Variants in EVC2 observed in about 807,000 individuals in gnomAD.
The protein encoded by EVC2 is EvC ciliary complex subunit 2.
EVC2 carries 148 observed loss-of-function variants against 149.3 expected under a neutral mutation model. The ratio of observed to expected loss-of-function variants is 0.99; its 90% CI spans 0.87 to 1.14. The LOEUF (loss-of-function observed/expected upper bound fraction) is 1.14. Ranked by LOEUF, EVC2 falls within the 50% of genes most tolerant of loss-of-function variation. The pLI, the probability that EVC2 is intolerant of heterozygous loss-of-function variation, is 0.00. For synonymous variants in EVC2, 776 were observed against 649.9 expected (o/e 1.19, Z -2.95); for missense variants, 1,854 against 1,627.3 (o/e 1.14, Z -2.40).
At chr4:5,556,715 A>G (rs1472745446) in intron 21 of EVC2, among the ~76,000 whole-genome samples, 1 of 152,174 alleles carries the variant, frequency 6.6e-6, no homozygotes, top group Non-Finnish European at 1.5e-5. Flanking sequence ...AAAAGAAAAC[A>G]TGAAAATTAC....
At chr4:5,664,144 A>C (rs990980258) in intron 8 of EVC2, among the ~76,000 whole-genome samples, 2 of 152,186 alleles carry the variant, frequency 1.3e-5, no homozygotes, top group African/African-American at 4.8e-5. Context: ...TGTTACAACA[A>C]CGCAGTGTTG....
Position 5,625,813 on chromosome 4 carries a change from T to C in EVC2, c.1982A>G (p.Lys661Arg). The C allele has an allele frequency of 6.2e-7, 1 of 1,614,158 alleles. No individual in the cohort carries two copies. Among genetic ancestry groups the C allele is most frequent in the Non-Finnish European group, 8.5e-7 (1 of 1,180,030 alleles). ...SIKQKLDNDLKQEKKKLHQKL... is the reference protein window; with the variant it reads ...SIKQKLDNDLRQEKKKLHQKL... Reference sequence around the variant, plus strand: ...TTGGTGGAGCTTTTTCTTTTCCTGCTTTAAGTCATTGTCCAACTTCTGCTT... The same window carrying C: ...TTGGTGGAGCTTTTTCTTTTCCTGCCTTAAGTCATTGTCCAACTTCTGCTT... Residue 661 changes from lysine to arginine, a missense_variant, in exon 13 of 22, where the codon AAG (lysine) becomes AGG (arginine). Physicochemically the swap from Lys to Arg is conservative, Grantham distance 26. Transcript: ENST00000344408. This position sits in a 1 kb window ranked among gnomAD's most constrained non-coding sequence, Gnocchi z 4.0.
chr4:5,632,103 A>G lies in EVC2; in HGVS notation c.1471-71T>C, dbSNP rs570093650. The G allele has an allele frequency of 1.3e-5, 20 of 1,589,528 alleles. No individual in the cohort carries two copies. The African/African-American group carries it at 2.1e-4, about 17-fold the overall frequency. ...TGCACCTACATGTGCATGCAATGCA[A>G]TGTGTACAGGCACATGTGCACACAC... On this transcript the variant is annotated intron_variant, in intron 10 of 21. Coordinates refer to ENST00000344408, the MANE Select transcript of EVC2 (RefSeq NM_147127.5).
downstream of EVC2, among the ~76,000 whole-genome samples, chr4:5,539,315 T>G (rs577663022): frequency 1.3e-4 from 20 of 152,210 alleles, no homozygotes; most frequent in African/African-American, 4.6e-4. Context: ...TATACTGTAT[T>G]TGTGGATTGG....
chr4:5,640,643 GTAC>G lies in EVC2; in HGVS notation c.1338_1340del (p.Glu446_Tyr447delinsAsp), dbSNP rs1553840593. On this transcript the variant is annotated inframe_deletion, in exon 10 of 22. Coordinates refer to ENST00000344408, the MANE Select transcript of EVC2 (RefSeq NM_147127.5). The surrounding 1 kb of genome is among the most constrained non-coding windows in gnomAD (Gnocchi z 4.6). ...CTGTCAATGCCACCATCTTCCGATCGTACTCCTCTTGTATTTCATTTTCCAGCA... is the reference window on the plus strand; with the variant it reads ...CTGTCAATGCCACCATCTTCCGATCGTCCTCTTGTATTTCATTTTCCAGCA... 2 of 1,613,904 alleles carry G rather than the reference GTAC, an allele frequency of 1.2e-6. No individual in the cohort carries two copies. Among genetic ancestry groups the G allele is most frequent in the African/African-American group, 1.3e-5 (1 of 74,922 alleles).
At chr4:5,678,604 A>G (rs572863549) in intron 7 of EVC2, among the ~76,000 whole-genome samples, 6 of 152,298 alleles carry the variant, frequency 3.9e-5, no homozygotes, top group African/African-American at 1.2e-4. Context: ...ACTTACACCA[A>G]CCTAGATGAT....
intron 1 of EVC2, among the ~76,000 whole-genome samples, 181 bp from the exon 2 acceptor site, chr4:5,697,828 C>T (rs1315446427): frequency 6.6e-6 from 1 of 151,732 alleles, no homozygotes; most frequent in Non-Finnish European, 1.5e-5. Context: ...TTACTACAAG[C>T]TCCACCTCCT....
chr4:5,589,184 T>C (rs988956179), intron 16 of EVC2, among the ~76,000 whole-genome samples: 8 of 152,334 alleles, frequency 5.3e-5, no homozygotes, highest in Middle Eastern at 3.4e-3. Context: ...GGCTAACCTT[T>C]TGGGTTATGT....
At position 5,622,470 on chromosome 4, in the gene EVC2, C is replaced by A; in HGVS notation, c.2501+67G>T. On this transcript the variant is annotated intron_variant, in intron 14 of 21. Transcript: ENST00000344408. The surrounding 1 kb of genome is among the most constrained non-coding windows in gnomAD (Gnocchi z 5.8). ...TCATGCTTGGCCATCCCCACAACCACAGGGCAGGAATCTCCCTGGCATCAA... is the reference window on the plus strand; with the variant it reads ...TCATGCTTGGCCATCCCCACAACCAAAGGGCAGGAATCTCCCTGGCATCAA... The A allele has an allele frequency of 1.3e-6, 2 of 1,558,632 alleles. No homozygotes were observed. The highest frequency in any genetic ancestry group is 1.2e-5 in the South Asian group (1 of 85,504).
At position 5,670,072 on chromosome 4, in the gene EVC2, C is replaced by T. The variant is rs1719539054; in HGVS notation, c.871-4423G>A. Reference sequence around the variant, plus strand: ...CTAGGTCCTGCCCTGCCTACAATGCCTCTACTCTTCAATCTTCTTCCTCAG... The same window carrying T: ...CTAGGTCCTGCCCTGCCTACAATGCTTCTACTCTTCAATCTTCTTCCTCAG... On this transcript the variant is annotated intron_variant, in intron 7 of 21. Coordinates refer to ENST00000344408, the MANE Select transcript of EVC2 (RefSeq NM_147127.5). This position sits in a 1 kb window ranked among gnomAD's most constrained non-coding sequence, Gnocchi z 5.2. Among the ~76,000 whole-genome samples, 1 of 152,180 alleles carries T rather than the reference C, an allele frequency of 6.6e-6. No homozygotes were observed. The highest frequency in any genetic ancestry group is 6.5e-5 in the Admixed American group (1 of 15,282).
intron 9 of EVC2, among the ~76,000 whole-genome samples, chr4:5,652,005 T>C (rs1718177426): frequency 6.6e-6 from 1 of 152,216 alleles, no homozygotes; most frequent in African/African-American, 2.4e-5. Flanking sequence ...ACACGGAGCC[T>C]TGCAGGCCAT....
intron 7 of EVC2, among the ~76,000 whole-genome samples, chr4:5,671,639 G>A (rs1335557411): frequency 6.6e-6 from 1 of 152,176 alleles, no homozygotes; most frequent in Non-Finnish European, 1.5e-5. Flanking sequence ...AGCCTTCCAA[G>A]TAGCTGGGAT....
chr4:5,701,367 C>T (rs1364208096), intron 1 of EVC2, among the ~76,000 whole-genome samples: 1 of 152,204 alleles, frequency 6.6e-6, no homozygotes, highest in Non-Finnish European at 1.5e-5. Context: ...CCTGACATAT[C>T]CACAGGTTCC....
intron 1 of EVC2, among the ~76,000 whole-genome samples, chr4:5,706,341 C>CATAGATACATAGATACATAG (rs1722142591): frequency 1.8e-4 from 2 of 10,910 alleles, no homozygotes; most frequent in Non-Finnish European, 3.6e-4. Context: ...TAGATAGATA[C>CATAGATACATAGATACATAG]ATAGATAGAT....
intron 8 of EVC2, among the ~76,000 whole-genome samples, 160 bp from the exon 9 acceptor site, chr4:5,663,406 T>C (rs1329103748): frequency 6.6e-6 from 1 of 152,224 alleles, no homozygotes; most frequent in Non-Finnish European, 1.5e-5. Context: ...CGAATGTCCC[T>C]GAGCCTCTGT....
rs185519602 is a variant in EVC2 at position 5,687,886 on chromosome 4, A to G, written c.706+1271T>C. Among the ~76,000 whole-genome samples the G allele has an allele frequency of 1.8e-4, 27 of 152,216 alleles. No homozygotes were observed. The East Asian group carries it at 4.9e-3, about 27-fold the overall frequency. On this transcript the variant is annotated intron_variant, in intron 5 of 21. Transcript: ENST00000344408. ...ACATTGTCTCCTTGATTCTATCTCT[A>G]CGACTCCACAATGGACTGATATTCG...
rs146746426 is a variant in EVC2 at position 5,584,042 on chromosome 4, C to T, written c.3057+581G>A. Among the ~76,000 whole-genome samples the T allele has an allele frequency of 3.9e-4, 59 of 152,074 alleles. No homozygotes were observed. The East Asian group carries it at 6.0e-3, about 15-fold the overall frequency. On this transcript the variant is annotated intron_variant, in intron 17 of 21. Coordinates refer to ENST00000344408, the MANE Select transcript of EVC2 (RefSeq NM_147127.5). Reference sequence around the variant, plus strand: ...AGCATGTCTATTTACAACTTAGTAGCGCTTCCCTCCCCATACTAGGGTTTC... The same window carrying T: ...AGCATGTCTATTTACAACTTAGTAGTGCTTCCCTCCCCATACTAGGGTTTC...
intron 16 of EVC2, among the ~76,000 whole-genome samples, chr4:5,598,356 G>T (rs1274993608): frequency 1.3e-5 from 2 of 150,602 alleles, no homozygotes; most frequent in Non-Finnish European, 1.5e-5. Flanking sequence ...GCATGGTACT[G>T]GTACCAAAAC....
chr4:5,626,721 C>G (rs1357504904), intron 12 of EVC2, among the ~76,000 whole-genome samples: 1 of 152,138 alleles, frequency 6.6e-6, no homozygotes, highest in Non-Finnish European at 1.5e-5. Context: ...AGACGGCCCT[C>G]CCCAGCATGA....
Sources: allele counts gnomAD v4.1 joint callset (sites outside exome capture counted in the v4.1 genomes callset), GRCh38; gene constraint gnomAD v4.1.1; non-coding constraint Gnocchi (gnomAD v3.1); transcripts MANE v1.5; gene names NCBI Gene and HGNC (gene_info 2026-07-23, HGNC 2026-07-21).